The following ABCC4 variants were observed in gnomAD, a reference collection of about 807,000 sequenced individuals.
The protein encoded by ABCC4 is ATP-binding cassette sub-family C member 4.
ABCC4 carries 102 observed loss-of-function variants against 168.5 expected under a neutral mutation model. The observed-to-expected ratio is 0.61, with a 90% CI of 0.52 to 0.71. ABCC4 has a LOEUF of 0.71. Among genes scored for constraint, ABCC4 ranks in the 30% least tolerant of loss-of-function variants. The pLI is 0.00. For missense variants in ABCC4, 1,402 were observed against 1,605.8 expected (o/e 0.87, Z 2.17); for synonymous variants, 617 against 590.7 (o/e 1.04, Z -0.65).
chr13:95,177,659 A>C, intron 13 of ABCC4, 48 bp downstream of exon 13: 1 of 1,538,186 alleles, frequency 6.5e-7, no homozygotes, highest in Non-Finnish European at 8.9e-7. Flanking sequence ...AGCCAACTCG[A>C]AATGGCTCTG....
At chr13:95,174,769 C>T (rs1383536472) in intron 13 of ABCC4, among the ~76,000 whole-genome samples, 2 of 152,236 alleles carry the variant, frequency 1.3e-5, no homozygotes, top group East Asian at 3.9e-4. Flanking sequence ...CCACAGAGGC[C>T]CTTCTCGGCG....
At chr13:95,124,154 TA>T (rs2035669849) in intron 19 of ABCC4, among the ~76,000 whole-genome samples, 2 of 152,114 alleles carry the variant, frequency 1.3e-5, no homozygotes, top group Admixed American at 1.3e-4. Flanking sequence ...GCCATATTTG[TA>T]AAGAGGAAGC....
chr13:95,034,297 G>T (rs564520567), intron 30 of ABCC4, among the ~76,000 whole-genome samples: 1 of 152,268 alleles, frequency 6.6e-6, no homozygotes, highest in Non-Finnish European at 1.5e-5. Context: ...CTTTTTCTAT[G>T]AGAATCTGAA....
At chr13:95,049,448 T>C (rs1323806061) in intron 27 of ABCC4, among the ~76,000 whole-genome samples, 7 of 152,054 alleles carry the variant, frequency 4.6e-5, no homozygotes, top group Non-Finnish European at 4.4e-5. Flanking sequence ...GAGACCAGCC[T>C]GGCCAACATG....
chr13:95,180,137 C>A (rs575395186), intron 11 of ABCC4, among the ~76,000 whole-genome samples: 1 of 152,314 alleles, frequency 6.6e-6, no homozygotes, highest in South Asian at 2.1e-4. Flanking sequence ...CCCTAATACT[C>A]CAATCTGAAC....
In ABCC4 at chr13:95,163,207, T is replaced by C. The variant is rs761814002; in HGVS notation, c.2223A>G (p.Lys741=). Residue 741 remains lysine (K), a synonymous_variant, in exon 18 of 31, where the codon AAA becomes AAG. Transcript: ENST00000645237. ...TTACAGTGACATTTAGCATACTTTG[T>C]TTGTTTGCCCTATGGAACATGGGGA... ...QDWWLSYWAN[K]QSMLNVTVNG... 5 of 1,611,578 alleles carry C rather than the reference T, an allele frequency of 3.1e-6. No individual in the cohort carries two copies. The South Asian group carries it at 4.4e-5, about 14-fold the overall frequency.
At chr13:95,274,164 C>T (rs1297110841) in intron 1 of ABCC4, among the ~76,000 whole-genome samples, 4 of 152,298 alleles carry the variant, frequency 2.6e-5, no homozygotes, top group East Asian at 3.9e-4. Context: ...ACTGTTCTGC[C>T]CAAGCAACTT....
chr13:95,072,207 TC>T (rs1356947951), intron 24 of ABCC4, among the ~76,000 whole-genome samples: 1 of 152,192 alleles, frequency 6.6e-6, no homozygotes, highest in Non-Finnish European at 1.5e-5. Context: ...ATGCCTATAA[TC>T]CCAGCACTTT....
In ABCC4 at chr13:95,270,767, G is replaced by A. The variant is rs150750219; in HGVS notation, c.75-23014C>T. 7.3e-4 allele frequency among the ~76,000 whole-genome samples: 111 copies of A among 152,338 alleles called. 1 individual carries two copies. The East Asian group carries it at 0.016, about 21-fold the overall frequency. On this transcript the variant is annotated intron_variant, in intron 1 of 30. Coordinates refer to ENST00000645237, the MANE Select transcript of ABCC4 (RefSeq NM_005845.5). ...GGGAAGCTACAGGCAGAGCCACCAC[G>A]CATGAGTTTCTCTTCTTTCAGATGC... is the stretch of plus-strand genomic sequence containing the variant.
intron 2 of ABCC4, 91 bp downstream of exon 2, chr13:95,247,552 G>T: frequency 1.1e-6 from 1 of 931,004 alleles, no homozygotes; most frequent in Non-Finnish European, 1.7e-6. Context: ...GGTAAACGGA[G>T]GCTCCAGACA....
chr13:95,280,888 T>G (rs2041104097), intron 1 of ABCC4, among the ~76,000 whole-genome samples: 1 of 152,158 alleles, frequency 6.6e-6, no homozygotes, highest in Admixed American at 6.6e-5. Context: ...CTATTTTGGC[T>G]TCTTCAAATG....
intron 1 of ABCC4, among the ~76,000 whole-genome samples, chr13:95,284,424 A>AGCTATCC (rs2041207953): frequency 6.6e-6 from 1 of 151,870 alleles, no homozygotes; most frequent in Admixed American, 6.6e-5. Context: ...CCTAGGCTCA[A>AGCTATCC]GCTATCCACC....
Position 95,186,776 on chromosome 13 carries a change from C to A in ABCC4, c.1470G>T (p.Arg490Ser). 1 of 1,614,162 alleles carries A rather than the reference C, an allele frequency of 6.2e-7. No individual in the cohort carries two copies. Among genetic ancestry groups the A allele is most frequent in the Non-Finnish European group, 8.5e-7 (1 of 1,180,026 alleles). ...QQPWVFSGTL[R>S]SNILFGKKYE... ...ATTTCTTCCCAAATAAAATATTACT[C>A]CTCAGAGTTCCCGAGAACACCCAGG... Residue 490 changes from arginine (R) to serine (S), a missense_variant, in exon 11 of 31, where the codon AGG becomes AGT. Arg to Ser is a moderately radical substitution (Grantham distance 110, BLOSUM62 -1). Transcript: ENST00000645237.
intron 1 of ABCC4, among the ~76,000 whole-genome samples, chr13:95,292,584 T>C (rs1285939838): frequency 6.6e-6 from 1 of 152,132 alleles, no homozygotes. Context: ...CAAGTAGAAA[T>C]TGCATGGAAA....
intron 4 of ABCC4, among the ~76,000 whole-genome samples, chr13:95,219,276 T>C (rs544571065): frequency 6.6e-6 from 1 of 151,972 alleles, no homozygotes; most frequent in African/African-American, 2.4e-5. Context: ...CCAACTGAAC[T>C]GGTTTATCGA....
intron 4 of ABCC4, among the ~76,000 whole-genome samples, chr13:95,228,377 G>A (rs947918938): frequency 4.6e-5 from 7 of 152,156 alleles, no homozygotes; most frequent in Admixed American, 2.6e-4. Flanking sequence ...TTATGGGAGG[G>A]CACCTTCCAC....
chr13:95,213,009 C>T (rs556292354), intron 4 of ABCC4, among the ~76,000 whole-genome samples: 2 of 152,188 alleles, frequency 1.3e-5, no homozygotes, highest in East Asian at 3.9e-4. Flanking sequence ...TGCCTGTAAT[C>T]CCAGCTACTC....
intron 21 of ABCC4, among the ~76,000 whole-genome samples, chr13:95,082,444 C>T (rs2034126893): frequency 6.6e-6 from 1 of 152,154 alleles, no homozygotes; most frequent in Non-Finnish European, 1.5e-5. Flanking sequence ...GTTTTCTAAA[C>T]TGATATATCT....
chr13:95,163,459 C>T, intron 17 of ABCC4, 151 bp downstream of exon 17: 1 of 766,694 alleles, frequency 1.3e-6, no homozygotes. Context: ...GCAGTTTACA[C>T]TCCACCAGCA....
Sources: allele counts gnomAD v4.1 joint callset (sites outside exome capture counted in the v4.1 genomes callset), GRCh38; gene constraint gnomAD v4.1.1; transcripts MANE v1.5; gene names NCBI Gene and HGNC (gene_info 2026-07-23, HGNC 2026-07-21).